The following UEVLD variants were observed in gnomAD, a reference collection of about 807,000 sequenced individuals.
UEVLD encodes UEV and lactate/malate dehyrogenase domains, also known as ubiquitin-conjugating enzyme E2 variant 3.
Under a neutral mutation model 58.6 loss-of-function variants are expected in UEVLD, and 47 were observed. The ratio of observed to expected loss-of-function variants is 0.80; its 90% CI spans 0.63 to 1.02. UEVLD has a LOEUF of 1.02. Ranked by LOEUF, UEVLD falls within the 50% of genes least tolerant of loss-of-function variation. The pLI, the probability that UEVLD is intolerant of heterozygous loss-of-function variation, is 0.00. For missense variants in UEVLD, 510 were observed against 550.6 expected (o/e 0.93, Z 0.74); for synonymous variants, 197 against 195.3 (o/e 1.01, Z -0.07).
At position 18,576,066 on chromosome 11, in the gene UEVLD, C is replaced by G. The variant is rs140401575; in HGVS notation, c.128-654G>C. ...CAAACAAGATCTAACCTAACCAACT[C>G]CGTCTTCCTTCTAACCTTTAAGCTG... On this transcript the variant is annotated intron_variant, in intron 2 of 11. Coordinates refer to ENST00000396197, the MANE Select transcript of UEVLD (RefSeq NM_001040697.4). Among the ~76,000 whole-genome samples the G allele has an allele frequency of 3.9e-3, 593 of 152,352 alleles. 5 individuals carry two copies. Among genetic ancestry groups the G allele is most frequent in the African/African-American group, 0.014 (579 of 41,580 alleles).
At chr11:18,547,193 C>T in intron 7 of UEVLD, 143 bp from the exon 8 acceptor site, 1 of 811,880 alleles carries the variant, frequency 1.2e-6, no homozygotes, top group Non-Finnish European at 1.9e-6. Flanking sequence ...TCCACAAAAG[C>T]ATATAAAATG....
At chr11:18,579,575 G>T in intron 1 of UEVLD, 1 of 853,064 alleles carries the variant, frequency 1.2e-6, no homozygotes, top group Non-Finnish European at 1.4e-6. Context: ...GGTTTCAAAT[G>T]GAAAACAAAA....
chr11:18,546,852 C>G, intron 8 of UEVLD, 28 bp downstream of exon 8: 1 of 1,609,680 alleles, frequency 6.2e-7, no homozygotes, highest in Non-Finnish European at 8.5e-7. Flanking sequence ...ACTGGACCAT[C>G]AACTTAATTT....
chr11:18,563,314 G>T (rs1017678474), intron 6 of UEVLD, among the ~76,000 whole-genome samples: 1 of 152,110 alleles, frequency 6.6e-6, no homozygotes, highest in Non-Finnish European at 1.5e-5. Flanking sequence ...AACCAGGCCG[G>T]GTGCAGTGGG....
intron 6 of UEVLD, among the ~76,000 whole-genome samples, chr11:18,564,255 C>CCAGA (rs1320728035): frequency 6.6e-6 from 1 of 151,706 alleles, no homozygotes; most frequent in Non-Finnish European, 1.5e-5. Flanking sequence ...AAAACTAATG[C>CCAGA]CAGCCACCAA....
At chr11:18,534,494 T>A (rs1282051862) in intron 10 of UEVLD, 41 bp from the exon 11 acceptor site, 1 of 1,541,864 alleles carries the variant, frequency 6.5e-7, no homozygotes, top group Non-Finnish European at 8.6e-7. Flanking sequence ...ATGCATAAAA[T>A]ATGCACATTT....
chr11:18,545,397 A>G (rs1429497080), intron 8 of UEVLD, among the ~76,000 whole-genome samples: 2 of 149,940 alleles, frequency 1.3e-5, no homozygotes, highest in Non-Finnish European at 3.0e-5. Flanking sequence ...TGTACATTAG[A>G]AACACTAACA....
At chr11:18,540,851 A>G (rs1851023757) in intron 9 of UEVLD, among the ~76,000 whole-genome samples, 1 of 152,224 alleles carries the variant, frequency 6.6e-6, no homozygotes, top group Admixed American at 6.5e-5. Flanking sequence ...AAAGTTTCCT[A>G]AAGACAGGGT....
Position 18,588,694 on chromosome 11 carries a change from C to G in UEVLD, c.-40G>C, listed in dbSNP as rs760478021. The G allele has an allele frequency of 1.9e-6, 3 of 1,598,814 alleles. No homozygotes were observed. Among genetic ancestry groups the G allele is most frequent in the South Asian group, 2.2e-5 (2 of 90,232 alleles). On this transcript the variant is annotated 5_prime_UTR_variant, in exon 1 of 12. Coordinates refer to ENST00000396197, the MANE Select transcript of UEVLD (RefSeq NM_001040697.4). ...CGAGCTAGGTCCCAGGACTCCAGCC[C>G]CCGGACCTTCTTCCGGACTTGCTGC...
chr11:18,579,721 A>C (rs1393292383), intron 1 of UEVLD, among the ~76,000 whole-genome samples: 2 of 152,232 alleles, frequency 1.3e-5, no homozygotes, highest in African/African-American at 4.8e-5. Flanking sequence ...TGCAAAAATA[A>C]ATAATACTTA....
chr11:18,563,779 T>G (rs1224777162), intron 6 of UEVLD: 1 of 768,392 alleles, frequency 1.3e-6, no homozygotes, highest in Non-Finnish European at 1.6e-6. Context: ...CCAGGGCAGG[T>G]GGATCACTTG....
At chr11:18,545,264 G>C (rs1851260529) in intron 8 of UEVLD, among the ~76,000 whole-genome samples, 1 of 151,384 alleles carries the variant, frequency 6.6e-6, no homozygotes, top group Non-Finnish European at 1.5e-5. Flanking sequence ...GTAGAGACGG[G>C]GTTTCACCAT....
chr11:18,539,555 C>T lies in UEVLD; in HGVS notation c.1061-3086G>A, dbSNP rs4756947. ...ATTGTGTTTTGGCATGAATGTTTTA[C>T]TTAGATAAAAGGGTAATAGGTGGAT... On this transcript the variant is annotated intron_variant, in intron 9 of 11. Transcript: ENST00000396197. 3.6e-3 allele frequency among the ~76,000 whole-genome samples: 550 copies of T among 152,244 alleles called. 15 individuals are homozygous for T. Among genetic ancestry groups the T allele is most frequent in the Admixed American group, 0.027 (412 of 15,290 alleles).
At chr11:18,549,424 T>C (rs1356383035) in intron 7 of UEVLD, among the ~76,000 whole-genome samples, 1 of 152,176 alleles carries the variant, frequency 6.6e-6, no homozygotes, top group Non-Finnish European at 1.5e-5. Context: ...ATTTCTTTTC[T>C]TTTTTGTTTT....
chr11:18,587,740 T>C (rs1213622553), intron 1 of UEVLD: 2 of 151,382 alleles, frequency 1.3e-5, no homozygotes, highest in Non-Finnish European at 2.9e-5. Flanking sequence ...GAGGTGGAGG[T>C]TGCAGTGAGC....
At chr11:18,548,263 A>C (rs72876779) in intron 7 of UEVLD, among the ~76,000 whole-genome samples, 13,060 of 152,278 alleles carry the variant, frequency 0.086, 626 homozygotes, top group Middle Eastern at 0.13. Context: ...CAGTAAGTAC[A>C]TGCCCAAACC....
chr11:18,554,616 C>T (rs1851676595), intron 7 of UEVLD, among the ~76,000 whole-genome samples: 1 of 140,384 alleles, frequency 7.1e-6, no homozygotes, highest in Non-Finnish European at 1.6e-5. Context: ...CAGGCTGGTC[C>T]TCAACCCCTG....
At chr11:18,585,388 A>G (rs1853495516) in intron 1 of UEVLD, among the ~76,000 whole-genome samples, 1 of 152,228 alleles carries the variant, frequency 6.6e-6, no homozygotes. Flanking sequence ...GCAGGGATAC[A>G]AGGTACAATT....
At chr11:18,536,640 A>G (rs1290212444) in intron 9 of UEVLD, 171 bp from the exon 10 acceptor site, 1 of 564,598 alleles carries the variant, frequency 1.8e-6, no homozygotes, top group Non-Finnish European at 3.1e-6. Flanking sequence ...CTGTACCACT[A>G]GCCCGAGGTG....
Sources: gnomAD v4.1 joint callset for allele counts (sites outside exome capture counted in the v4.1 genomes callset) on GRCh38, gnomAD v4.1.1 for gene constraint, MANE v1.5 for transcripts, NCBI Gene and HGNC (gene_info 2026-07-23, HGNC 2026-07-21) for gene names.